Variants in CEP85L observed in about 807,000 individuals in gnomAD.
CEP85L encodes centrosomal protein 85L, also known as centrosomal protein of 85 kDa-like.
CEP85L carries 60 observed loss-of-function variants against 100.3 expected under a neutral mutation model. The ratio of observed to expected loss-of-function variants is 0.60; its 90% confidence interval spans 0.49 to 0.74. The LOEUF (loss-of-function observed/expected upper bound fraction) is 0.74. CEP85L is among the 30% of genes least tolerant of loss of function. The pLI, the probability that CEP85L is intolerant of heterozygous loss-of-function variation, is 0.00. For missense variants in CEP85L, 973 were observed against 936.2 expected, an observed-to-expected ratio of 1.04 and a Z score of -0.51; for synonymous variants, 319 against 322.7, an observed-to-expected ratio of 0.99 and a Z score of 0.12.
At chr6:118,482,935 AT>A (rs1032123314) in intron 7 of CEP85L, among the ~76,000 whole-genome samples, 14 of 152,204 alleles carry the variant, frequency 9.2e-5, no homozygotes, top group Admixed American at 4.6e-4. Context: ...CCCAGAAGAC[AT>A]TTGGAAATAT....
Position 118,528,875 on chromosome 6 carries a change from T to C in CEP85L, c.1021-4955A>G, listed in dbSNP as rs1777124550. 2.6e-5 allele frequency among the ~76,000 whole-genome samples: 4 copies of C among 152,230 alleles called. No individual in the cohort carries two copies. In the South Asian group the frequency reaches 8.3e-4, roughly 32 times the overall value. ...AAACAGCAAGGCAACTATACCTTTA[T>C]GATTTTGCATTCTCTATAAACAACT... On this transcript the variant is annotated intron_variant, in intron 3 of 12. Transcript: ENST00000368491.
chr6:118,625,791 T>C (rs1198164423), intron 2 of CEP85L, among the ~76,000 whole-genome samples: 1 of 152,350 alleles, frequency 6.6e-6, no homozygotes, highest in South Asian at 2.1e-4. Flanking sequence ...TTCTAGGCCC[T>C]GTAACAGCCA....
At chr6:118,683,251 G>A (rs1335412667) in intron 1 of CEP85L, among the ~76,000 whole-genome samples, 1 of 152,096 alleles carries the variant, frequency 6.6e-6, no homozygotes, top group Non-Finnish European at 1.5e-5. Context: ...ACTTAAGATG[G>A]CAGTGATTTC....
At chr6:118,509,156 T>G (rs1248227245) in intron 5 of CEP85L, among the ~76,000 whole-genome samples, 1 of 152,104 alleles carries the variant, frequency 6.6e-6, no homozygotes, top group Non-Finnish European at 1.5e-5. Flanking sequence ...AATACTAATA[T>G]TTTTATTTGT....
At chr6:118,706,337 A>C (rs533952658) in intron 1 of CEP85L, among the ~76,000 whole-genome samples, 1 of 152,292 alleles carries the variant, frequency 6.6e-6, no homozygotes, top group East Asian at 1.9e-4. Context: ...AGTAGAGGGA[A>C]ATTTCAAAAG....
chr6:118,679,459 C>T (rs142186206), intron 1 of CEP85L, among the ~76,000 whole-genome samples: 55 of 152,342 alleles, frequency 3.6e-4, no homozygotes, highest in African/African-American at 1.2e-3. Flanking sequence ...ACTGTGGACA[C>T]TGGATTTGCT....
At position 118,486,520 on chromosome 6, in the gene CEP85L, A is replaced by G. The variant is rs568129435; in HGVS notation, c.1438-2662T>C. ...AGAATCAGTCTTTGATAAGGATTAC[A>G]GAGTAAATGCCAAAAGAAACAATAT... is the stretch of plus-strand genomic sequence containing the variant. On this transcript the variant is annotated intron_variant, in intron 6 of 12. Transcript: ENST00000368491. Among the ~76,000 whole-genome samples the G allele has an allele frequency of 8.8e-4, 134 of 152,346 alleles. 1 individual carries two copies. The highest frequency in any genetic ancestry group is 4.6e-3 in the Admixed American group (70 of 15,304).
intron 1 of CEP85L, chr6:118,646,883 T>A: frequency 1.0e-6 from 1 of 963,570 alleles, no homozygotes; most frequent in Non-Finnish European, 1.2e-6. Context: ...TATTACAACA[T>A]GACAATAGAG....
intron 12 of CEP85L, among the ~76,000 whole-genome samples, chr6:118,466,493 A>T (rs1772529830): frequency 6.6e-6 from 1 of 152,206 alleles, no homozygotes; most frequent in South Asian, 2.1e-4. Flanking sequence ...TACAAGTTGC[A>T]GTGGCATAAA....
At chr6:118,536,155 C>G (rs1777577449) in intron 3 of CEP85L, among the ~76,000 whole-genome samples, 1 of 152,060 alleles carries the variant, frequency 6.6e-6, no homozygotes, top group African/African-American at 2.4e-5. Context: ...CACTAGAATA[C>G]TATATAGCAA....
intron 2 of CEP85L, among the ~76,000 whole-genome samples, chr6:118,615,272 G>A (rs1466708966): frequency 6.6e-6 from 1 of 152,018 alleles, no homozygotes; most frequent in Non-Finnish European, 1.5e-5. Context: ...TTTACTTACA[G>A]TAGCTTGATT....
chr6:118,607,072 T>A (rs1267733878), intron 2 of CEP85L, among the ~76,000 whole-genome samples: 5 of 150,512 alleles, frequency 3.3e-5, no homozygotes, highest in Non-Finnish European at 7.4e-5. Context: ...TAAAGGAAAA[T>A]TTTTTTTTTC....
intron 1 of CEP85L, among the ~76,000 whole-genome samples, chr6:118,682,771 G>GCA (rs201043236): frequency 0.23 from 32,233 of 137,946 alleles, 3,754 homozygotes; most frequent in Non-Finnish European, 0.29. Flanking sequence ...GCCTGAGCAT[G>GCA]CACACACACA....
chr6:118,551,453 A>G (rs1018022786), intron 3 of CEP85L, among the ~76,000 whole-genome samples: 13 of 151,904 alleles, frequency 8.6e-5, no homozygotes, highest in African/African-American at 3.1e-4. Context: ...CCCAGAAAAG[A>G]TTCTGAATTT....
At chr6:118,485,673 T>A (rs1050959803) in intron 6 of CEP85L, among the ~76,000 whole-genome samples, 1 of 152,180 alleles carries the variant, frequency 6.6e-6, no homozygotes, top group Non-Finnish European at 1.5e-5. Flanking sequence ...ACTTAACAAG[T>A]CACAAAATCA....
chr6:118,487,084 A>G (rs902056656), intron 6 of CEP85L, among the ~76,000 whole-genome samples: 15 of 152,218 alleles, frequency 9.9e-5, no homozygotes, highest in African/African-American at 3.4e-4. Flanking sequence ...AAATGCTATA[A>G]GCATATGAAA....
chr6:118,600,370 T>TGTGTGTGTGTGTGTGTGTGGGG, intron 2 of CEP85L, among the ~76,000 whole-genome samples: 1 of 86,442 alleles, frequency 1.2e-5, no homozygotes, highest in South Asian at 3.9e-4. Context: ...TGTGTGTGTG[T>TGTGTGTGTGTGTGTGTGTGGGG]AACGCCATGG....
intron 1 of CEP85L, among the ~76,000 whole-genome samples, chr6:118,696,569 C>T (rs1482846687): frequency 6.6e-6 from 1 of 152,198 alleles, no homozygotes; most frequent in Admixed American, 6.5e-5. Flanking sequence ...GCTGTAGACA[C>T]TTTGTTCATG....
intron 2 of CEP85L, among the ~76,000 whole-genome samples, chr6:118,600,887 A>C (rs1277879009): frequency 1.3e-5 from 2 of 152,048 alleles, no homozygotes; most frequent in African/African-American, 4.8e-5. Flanking sequence ...CTTACCCTAG[A>C]AATTTGCTTG....
Sources: allele counts gnomAD v4.1 joint callset (sites outside exome capture counted in the v4.1 genomes callset), GRCh38; gene constraint gnomAD v4.1.1; transcripts MANE v1.5; gene names NCBI Gene and HGNC (gene_info 2026-07-23, HGNC 2026-07-21).